The following STX8 variants were observed in gnomAD, a reference collection of about 807,000 sequenced individuals.
STX8 encodes the protein syntaxin-8.
In STX8, 23 loss-of-function variants were observed where a neutral mutation model predicts 37.5. The observed-to-expected ratio is 0.61, with a 90% CI of 0.44 to 0.87. The LOEUF is 0.87. Ranked by LOEUF, STX8 falls within the 40% of genes least tolerant of loss-of-function variation. The pLI is 0.00. For missense variants in STX8, 313 were observed against 284.7 expected, an observed-to-expected ratio of 1.10 and a Z score of -0.71; for synonymous variants, 115 against 99.1, an observed-to-expected ratio of 1.16 and a Z score of -0.95.
At chr17:9,554,990 T>A (rs1906910527) in intron 3 of STX8, 1 of 151,256 alleles carries the variant, frequency 6.6e-6, no homozygotes. Flanking sequence ...CTAAATGCCA[T>A]CCCTAGTACT....
At chr17:9,387,979 GATTA>G (rs942384316) in intron 6 of STX8, among the ~76,000 whole-genome samples, 1 of 151,942 alleles carries the variant, frequency 6.6e-6, no homozygotes, top group Admixed American at 6.5e-5. Flanking sequence ...CACTTGTAGG[GATTA>G]ATGTTTTAAT....
chr17:9,393,083 A>G (rs755428541), intron 6 of STX8, among the ~76,000 whole-genome samples: 3 of 152,222 alleles, frequency 2.0e-5, no homozygotes, highest in Non-Finnish European at 4.4e-5. Context: ...CTAAAGACAA[A>G]GAAAAAAATA....
intron 3 of STX8, among the ~76,000 whole-genome samples, chr17:9,546,621 C>T (rs1354781803): frequency 2.8e-4 from 8 of 29,028 alleles, no homozygotes; most frequent in African/African-American, 3.8e-4. Context: ...TTTTTGGAGA[C>T]GGAGCCTTGT....
chr17:9,370,965 T>C, intron 7 of STX8, among the ~76,000 whole-genome samples: 1 of 151,524 alleles, frequency 6.6e-6, no homozygotes, highest in East Asian at 1.9e-4. Flanking sequence ...ATGCTATCAT[T>C]GGGGTGGGGT....
intron 2 of STX8, among the ~76,000 whole-genome samples, chr17:9,559,765 T>A (rs1413163348): frequency 1.4e-4 from 14 of 96,882 alleles, no homozygotes; most frequent in Admixed American, 5.6e-4. Flanking sequence ...TATATATTTT[T>A]TTTTTTTTTT....
chr17:9,270,693 T>C (rs1907423479), intron 7 of STX8, among the ~76,000 whole-genome samples: 1 of 152,202 alleles, frequency 6.6e-6, no homozygotes, highest in South Asian at 2.1e-4. Context: ...AATGAAAGCA[T>C]ACAAATTATC....
intron 6 of STX8, among the ~76,000 whole-genome samples, chr17:9,414,347 A>G (rs946239917): frequency 2.0e-5 from 3 of 151,622 alleles, no homozygotes; most frequent in Non-Finnish European, 2.9e-5. Context: ...TCAATGTGTC[A>G]CAGACAAAAG....
At chr17:9,293,131 AAAG>A (rs1908375757) in intron 7 of STX8, among the ~76,000 whole-genome samples, 1 of 152,250 alleles carries the variant, frequency 6.6e-6, no homozygotes. Flanking sequence ...CTAGGTAGAT[AAAG>A]AAAAATAATA....
In STX8 at chr17:9,305,867, C is replaced by A. The variant is rs145884747; in HGVS notation, c.644-55222G>T. Among the ~76,000 whole-genome samples, 17 of 151,288 alleles carry A rather than the reference C, an allele frequency of 1.1e-4. 1 individual carries two copies. The highest frequency in any genetic ancestry group is 4.1e-4 in the African/African-American group (17 of 41,082). On this transcript the variant is annotated intron_variant, in intron 7 of 7. Coordinates refer to ENST00000306357, the MANE Select transcript of STX8 (RefSeq NM_004853.3). ...TCAAGCGATTCTCCTGCCGCAGCCT[C>A]CTGAGTAGCTGAGATTACAGATGCG...
chr17:9,525,908 C>A (rs1163585246), intron 4 of STX8, among the ~76,000 whole-genome samples: 1 of 152,218 alleles, frequency 6.6e-6, no homozygotes, highest in Non-Finnish European at 1.5e-5. Flanking sequence ...TTTGAGGAAT[C>A]ATGGTTACCT....
In STX8 at chr17:9,507,709, G is replaced by A. The variant is rs568370005; in HGVS notation, c.324-2547C>T. ...AACCCACCATGTGAACGCATGCATC[G>A]CTGACCTGACAAATAGCCCGGTGAA... On this transcript the variant is annotated intron_variant, in intron 4 of 7. Transcript: ENST00000306357. This position sits in a 1 kb window ranked among gnomAD's most constrained non-coding sequence, Gnocchi z 4.0. 1.3e-4 allele frequency among the ~76,000 whole-genome samples: 20 copies of A among 152,232 alleles called. No individual in the cohort carries two copies. The highest frequency in any genetic ancestry group is 2.1e-4 in the South Asian group (1 of 4,810).
intron 6 of STX8, among the ~76,000 whole-genome samples, chr17:9,475,999 T>G (rs1184216920): frequency 6.6e-6 from 1 of 152,104 alleles, no homozygotes; most frequent in East Asian, 1.9e-4. Context: ...ACCAACATGG[T>G]GAAACCCCAT....
At chr17:9,433,906 G>A (rs571312901) in intron 6 of STX8, among the ~76,000 whole-genome samples, 9 of 152,286 alleles carry the variant, frequency 5.9e-5, no homozygotes, top group African/African-American at 2.2e-4. Flanking sequence ...AAGGAGAACA[G>A]CACAGAAGAA....
chr17:9,291,961 TTC>T (rs1597587395), intron 7 of STX8, among the ~76,000 whole-genome samples: 1 of 152,248 alleles, frequency 6.6e-6, no homozygotes, highest in African/African-American at 2.4e-5. Flanking sequence ...CAAGGAAAAG[TTC>T]TCTTTCAAAT....
intron 7 of STX8, among the ~76,000 whole-genome samples, chr17:9,304,927 ATG>A (rs71135961): frequency 0.093 from 11,468 of 123,780 alleles, 878 homozygotes; most frequent in African/African-American, 0.22. Context: ...AAAAAAAAAT[ATG>A]TATATATATA....
rs142302233 is a variant in STX8 at position 9,549,572 on chromosome 17, A to G, written c.213-4290T>C. Among the ~76,000 whole-genome samples, 14 of 152,336 alleles carry G rather than the reference A, an allele frequency of 9.2e-5. 1 individual carries two copies. In the East Asian group the frequency reaches 2.5e-3, roughly 27 times the overall value. ...CTTGAGATGCTGACTTAACTTTGCC[A>G]CTTCTTAGAATCCTGATAAAAACAA... is the stretch of plus-strand genomic sequence containing the variant. On this transcript the variant is annotated intron_variant, in intron 3 of 7. Transcript: ENST00000306357.
At chr17:9,459,367 G>T (rs1905284824) in intron 6 of STX8, among the ~76,000 whole-genome samples, 1 of 152,228 alleles carries the variant, frequency 6.6e-6, no homozygotes, top group Non-Finnish European at 1.5e-5. Context: ...AGTGTCTCCA[G>T]GGTACCTGAA....
intron 7 of STX8, among the ~76,000 whole-genome samples, chr17:9,364,211 T>C (rs889744258): frequency 2.0e-5 from 3 of 152,192 alleles, no homozygotes; most frequent in African/African-American, 4.8e-5. Flanking sequence ...CAGCGAGTCA[T>C]ACATTTTAGC....
intron 4 of STX8, among the ~76,000 whole-genome samples, chr17:9,511,044 C>T (rs1157942550): frequency 3.3e-5 from 5 of 152,048 alleles, no homozygotes; most frequent in Non-Finnish European, 7.4e-5. Context: ...TACAACCTAT[C>T]AAGATTGAAC....
Sources: gnomAD v4.1 joint callset for allele counts (sites outside exome capture counted in the v4.1 genomes callset) on GRCh38, gnomAD v4.1.1 for gene constraint, Gnocchi (gnomAD v3.1) non-coding constraint, MANE v1.5 for transcripts, NCBI Gene and HGNC (gene_info 2026-07-23, HGNC 2026-07-21) for gene names.